Variants in DENND1A observed in about 807,000 individuals in gnomAD.
DENND1A encodes DENN domain-containing protein 1A.
DENND1A carries 51 observed loss-of-function variants against 113.7 expected under a neutral mutation model. The ratio of observed to expected loss-of-function variants is 0.45; its 90% CI spans 0.36 to 0.57. The LOEUF is 0.57. DENND1A is among the 20% of genes least tolerant of loss of function. DENND1A has a pLI of 0.00. For missense variants in DENND1A, 1,258 were observed against 1,395.9 expected, an observed-to-expected ratio of 0.90 and a Z score of 1.57; for synonymous variants, 565 against 570.8, an observed-to-expected ratio of 0.99 and a Z score of 0.14.
intron 5 of DENND1A, among the ~76,000 whole-genome samples, chr9:123,732,066 C>T (rs1589848255): frequency 6.6e-6 from 1 of 152,226 alleles, no homozygotes; most frequent in Non-Finnish European, 1.5e-5. Context: ...CGTGGGACAA[C>T]TGGAACTCTG....
intron 1 of DENND1A, among the ~76,000 whole-genome samples, 176 bp downstream of exon 1, chr9:123,929,712 GC>G (rs1302971392): frequency 6.7e-6 from 1 of 148,770 alleles, no homozygotes; most frequent in Non-Finnish European, 1.5e-5. Context: ...CGCGCACCCC[GC>G]CCCCGCGCCT....
chr9:123,609,804 C>T (rs1004760455), intron 10 of DENND1A, among the ~76,000 whole-genome samples: 2 of 152,124 alleles, frequency 1.3e-5, no homozygotes, highest in Non-Finnish European at 1.5e-5. Context: ...CCAGCCAGCA[C>T]GTTGTTACTA....
At chr9:123,631,612 C>T (rs2061478534) in intron 9 of DENND1A, among the ~76,000 whole-genome samples, 1 of 152,226 alleles carries the variant, frequency 6.6e-6, no homozygotes, top group Admixed American at 6.5e-5. Context: ...TAGCATTTAA[C>T]TCTTCAGTCC....
chr9:123,715,965 C>T (rs1313604265), intron 5 of DENND1A, among the ~76,000 whole-genome samples: 1 of 152,066 alleles, frequency 6.6e-6, no homozygotes, highest in African/African-American at 2.4e-5. Flanking sequence ...TATGAGCCAC[C>T]ACACCCGGGT....
chr9:123,789,059 CTTG>C (rs1027879982), intron 3 of DENND1A, among the ~76,000 whole-genome samples: 4 of 148,660 alleles, frequency 2.7e-5, no homozygotes, highest in East Asian at 1.9e-4. Flanking sequence ...CTGCTTTTGC[CTTG>C]TTTTTTTTTT....
chr9:123,595,381 G>C, intron 11 of DENND1A, among the ~76,000 whole-genome samples: 1 of 152,276 alleles, frequency 6.6e-6, no homozygotes, highest in East Asian at 1.9e-4. Flanking sequence ...GGTACATCAC[G>C]TATGGAGCCG....
intron 13 of DENND1A, among the ~76,000 whole-genome samples, chr9:123,520,316 G>A (rs368497987): frequency 2.6e-5 from 4 of 151,988 alleles, no homozygotes; most frequent in Middle Eastern, 3.2e-3. Context: ...AAAATTAGCC[G>A]GGCATGGTGA....
In DENND1A at chr9:123,452,465, G is replaced by A. The variant is rs2047796127; in HGVS notation, c.1228-118C>T. 1.4e-5 allele frequency: 11 copies of A among 797,512 alleles called. No homozygotes were observed. The South Asian group carries it at 1.7e-4, about 12-fold the overall frequency. The allele number at this position is 797,512 out of a possible 1,614,324, so 49.4% of individuals were successfully genotyped here. A position where few individuals can be genotyped will look rare whatever the true frequency, so the allele number is the denominator to read the frequency against. On this transcript the variant is annotated intron_variant, in intron 16 of 23. Transcript: ENST00000394215. ...TTTCAAAGGTATGTAAATGCACATC[G>A]AGAAATAGGCCTGGATGATAACTGG...
At chr9:123,642,238 C>T (rs2062069241) in intron 9 of DENND1A, among the ~76,000 whole-genome samples, 1 of 152,224 alleles carries the variant, frequency 6.6e-6, no homozygotes, top group South Asian at 2.1e-4. Flanking sequence ...ATTATCTATA[C>T]ATTTTAAAGC....
At chr9:123,681,090 A>G (rs1422909398) in intron 5 of DENND1A, among the ~76,000 whole-genome samples, 1 of 152,134 alleles carries the variant, frequency 6.6e-6, no homozygotes, top group East Asian at 1.9e-4. Context: ...AGGGAAAGTC[A>G]GCGTCTGAGC....
At chr9:123,457,759 A>T (rs1221544934) in intron 14 of DENND1A, 34 bp downstream of exon 14, 1 of 1,566,870 alleles carries the variant, frequency 6.4e-7, no homozygotes, top group Non-Finnish European at 8.7e-7. Context: ...CCCGCCAGGG[A>T]GCCAGACCCA....
At chr9:123,662,507 G>A (rs1469906085) in intron 8 of DENND1A, among the ~76,000 whole-genome samples, 2 of 152,190 alleles carry the variant, frequency 1.3e-5, no homozygotes, top group Non-Finnish European at 2.9e-5. Flanking sequence ...AGTTTGCAGT[G>A]AGCCGAGATT....
chr9:123,901,914 G>A (rs1480049756), intron 1 of DENND1A, among the ~76,000 whole-genome samples: 1 of 152,122 alleles, frequency 6.6e-6, no homozygotes, highest in Non-Finnish European at 1.5e-5. Context: ...GCTGAGGCAG[G>A]AGAATGGTGT....
chr9:123,413,876 A>C (rs2044508355), intron 19 of DENND1A: 3 of 985,190 alleles, frequency 3.0e-6, no homozygotes, highest in Non-Finnish European at 3.6e-6. Flanking sequence ...AGAGGTGATC[A>C]GGGAGAGGGG....
At chr9:123,447,782 G>C (rs914531583) in intron 18 of DENND1A, among the ~76,000 whole-genome samples, 10 of 146,548 alleles carry the variant, frequency 6.8e-5, no homozygotes, top group Admixed American at 1.4e-4. Flanking sequence ...AGGGAAAGGG[G>C]AGAAGGACAA....
chr9:123,746,399 A>G (rs1281494292), intron 5 of DENND1A, among the ~76,000 whole-genome samples: 1 of 152,208 alleles, frequency 6.6e-6, no homozygotes, highest in Non-Finnish European at 1.5e-5. Context: ...TTGAAAAAAA[A>G]TCAAAGTATA....
At chr9:123,474,301 AT>A (rs1041717983) in intron 13 of DENND1A, among the ~76,000 whole-genome samples, 40 of 152,256 alleles carry the variant, frequency 2.6e-4, no homozygotes, top group Admixed American at 7.2e-4. Flanking sequence ...AGCCTGTAAC[AT>A]TTACTTTCAC....
intron 18 of DENND1A, among the ~76,000 whole-genome samples, chr9:123,448,201 T>C (rs370577863): frequency 6.6e-6 from 1 of 152,206 alleles, no homozygotes; most frequent in East Asian, 1.9e-4. Flanking sequence ...CTGCTTTAGA[T>C]ACTATCAAGG....
intron 5 of DENND1A, among the ~76,000 whole-genome samples, chr9:123,683,606 T>C (rs1288603119): frequency 6.6e-6 from 1 of 152,230 alleles, no homozygotes; most frequent in Non-Finnish European, 1.5e-5. Context: ...TATGAGCTTT[T>C]GGTCCCCATT....
Sources: allele counts gnomAD v4.1 joint callset (sites outside exome capture counted in the v4.1 genomes callset), GRCh38; gene constraint gnomAD v4.1.1; transcripts MANE v1.5; gene names NCBI Gene and HGNC (gene_info 2026-07-23, HGNC 2026-07-21).